The following BEND4 variants were observed in gnomAD, a reference collection of about 807,000 sequenced individuals.
BEND4 encodes the protein BEN domain containing 4.
Under a neutral mutation model 54.7 loss-of-function variants are expected in BEND4, and 27 were observed. That is an observed-to-expected ratio of 0.49 (90% CI 0.36 to 0.68). BEND4 has a LOEUF of 0.68. BEND4 is among the 30% of genes least tolerant of loss of function. BEND4 has a pLI of 0.00. For missense variants in BEND4, 702 were observed against 697.2 expected, an observed-to-expected ratio of 1.01 and a Z score of -0.08; for synonymous variants, 327 against 299.5, an observed-to-expected ratio of 1.09 and a Z score of -0.95.
chr4:42,141,552 CG>C (rs550505880), intron 3 of BEND4, among the ~76,000 whole-genome samples: 70 of 152,056 alleles, frequency 4.6e-4, no homozygotes, highest in African/African-American at 1.6e-3. Flanking sequence ...GCCAATGTGG[CG>C]AAACGCTGTC....
intron 3 of BEND4, among the ~76,000 whole-genome samples, chr4:42,126,767 AG>A (rs773483776): frequency 3.3e-4 from 50 of 152,162 alleles, no homozygotes; most frequent in Non-Finnish European, 5.6e-4. Flanking sequence ...ATCCCAGCTC[AG>A]GGAGGCAAAA....
chr4:42,151,738 C>G lies in BEND4; in HGVS notation c.406G>C (p.Val136Leu). The change falls in exon 2 of 6, where the codon GTC becomes CTC. Residue 136 changes from valine (V) to leucine (L), a missense_variant. Coordinates refer to ENST00000502486, the MANE Select transcript of BEND4 (RefSeq NM_207406.4). ...ASSSSSFAAV[V>L]RYGPGAAAAA... ...GCCGCCGCGCCTGGGCCATACCTGA[C>G]GACAGCGGCGAACGAAGACGACGAG... The G allele has an allele frequency of 6.7e-7, 1 of 1,501,670 alleles. No homozygotes were observed. The highest frequency in any genetic ancestry group is 8.8e-7 in the Non-Finnish European group (1 of 1,131,212). The allele number at this position is 1,501,670 out of a possible 1,614,324, so 93.0% of individuals were successfully genotyped here. A position where few individuals can be genotyped will look rare whatever the true frequency, so the allele number is the denominator to read the frequency against.
At chr4:42,127,793 G>T (rs1026409540) in intron 3 of BEND4, among the ~76,000 whole-genome samples, 1 of 152,184 alleles carries the variant, frequency 6.6e-6, no homozygotes, top group Non-Finnish European at 1.5e-5. Flanking sequence ...TTGCTTGGAA[G>T]TTTTAGAGAA....
In BEND4 at chr4:42,114,434, A is replaced by T. The variant is rs1719714950; in HGVS notation, c.*3084T>A. 1 of 152,056 alleles carries T rather than the reference A, an allele frequency of 6.6e-6. No homozygotes were observed. The highest frequency in any genetic ancestry group is 1.5e-5 in the Non-Finnish European group (1 of 68,046). The allele number at this position is 152,056 out of a possible 1,614,324, so 9.4% of individuals were successfully genotyped here. A position where few individuals can be genotyped will look rare whatever the true frequency, so the allele number is the denominator to read the frequency against. On this transcript the variant is annotated 3_prime_UTR_variant, in exon 6 of 6. Coordinates refer to ENST00000502486, the MANE Select transcript of BEND4 (RefSeq NM_207406.4). ...TCTTTGTTGTCAAGCCAGCCCCGTGACCTCCTCCTCTCACCAATTAAGTGG... is the reference window on the plus strand; with the variant it reads ...TCTTTGTTGTCAAGCCAGCCCCGTGTCCTCCTCCTCTCACCAATTAAGTGG...
rs1344434394 is a variant in BEND4 at position 42,111,858 on chromosome 4, ACTAGGAAC to A, written c.*5652_*5659del. Reference sequence around the variant, plus strand: ...TGCTTTTATCTCCCTGCATTTTTGCACTAGGAACCTATGGGACAAATGTGAACAAACTC... The same window carrying A: ...TGCTTTTATCTCCCTGCATTTTTGCACTATGGGACAAATGTGAACAAACTC... On this transcript the variant is annotated 3_prime_UTR_variant, in exon 6 of 6. Coordinates refer to ENST00000502486, the MANE Select transcript of BEND4 (RefSeq NM_207406.4). 14 of 152,328 alleles carry A rather than the reference ACTAGGAAC, an allele frequency of 9.2e-5. No individual in the cohort carries two copies. The East Asian group carries it at 2.1e-3, about 23-fold the overall frequency. 9.4% of individuals were successfully genotyped at this position (152,328 alleles called of 1,614,324 possible).
intron 2 of BEND4, chr4:42,150,896 C>CGAGG (rs767318086): frequency 1.1e-4 from 16 of 152,162 alleles, no homozygotes; most frequent in South Asian, 4.2e-4. Context: ...CGGACGGGGA[C>CGAGG]GAGGGGATGG....
Position 42,152,017 on chromosome 4 carries a change from G to T in BEND4, c.127C>A (p.Arg43=). Residue 43 remains arginine, a synonymous_variant, in exon 2 of 6, where the codon CGA becomes AGA. Coordinates refer to ENST00000502486, the MANE Select transcript of BEND4 (RefSeq NM_207406.4). ...TGCGGCAGCTCCACCAGGGTGGGTC[G>T]CTCGTAGCGCTTGGCCAGCGCCGGT... ...KRPALAKRYE[R]PTLVELPHVR... is the part of the protein sequence containing the mutation. 1 of 1,252,864 alleles carries T rather than the reference G, an allele frequency of 8.0e-7. No homozygotes were observed. Among genetic ancestry groups the T allele is most frequent in the Non-Finnish European group, 1.0e-6 (1 of 992,698 alleles). The allele number at this position is 1,252,864 out of a possible 1,614,324, so 77.6% of individuals were successfully genotyped here.
intron 5 of BEND4, among the ~76,000 whole-genome samples, chr4:42,119,112 G>A (rs1337274660): frequency 6.6e-6 from 1 of 152,110 alleles, no homozygotes; most frequent in African/African-American, 2.4e-5. Flanking sequence ...ATGCATCCTA[G>A]GCACATAATG....
At position 42,113,377 on chromosome 4, in the gene BEND4, T is replaced by C. The variant is rs1414920907; in HGVS notation, c.*4141A>G. The C allele has an allele frequency of 6.6e-6, 1 of 152,218 alleles. No individual in the cohort carries two copies. Among genetic ancestry groups the C allele is most frequent in the Non-Finnish European group, 1.5e-5 (1 of 68,036 alleles). The allele number at this position is 152,218 out of a possible 1,614,324, so 9.4% of individuals were successfully genotyped here. A position where few individuals can be genotyped will look rare whatever the true frequency, so the allele number is the denominator to read the frequency against. On this transcript the variant is annotated 3_prime_UTR_variant, in exon 6 of 6. Transcript: ENST00000502486. ...GTCAATGGGTATTAGGTTTAGGTTCTAGAGCATAAATTGAAGGATGGAATC... is the reference window on the plus strand; with the variant it reads ...GTCAATGGGTATTAGGTTTAGGTTCCAGAGCATAAATTGAAGGATGGAATC...
At chr4:42,137,882 A>T (rs1720747077) in intron 3 of BEND4, among the ~76,000 whole-genome samples, 1 of 152,216 alleles carries the variant, frequency 6.6e-6, no homozygotes, top group Non-Finnish European at 1.5e-5. Flanking sequence ...GCAAATCAAA[A>T]CCACTATAAG....
intron 2 of BEND4, chr4:42,151,201 G>A (rs973139827): frequency 7.1e-5 from 11 of 154,082 alleles, no homozygotes; most frequent in Non-Finnish European, 1.2e-4. Flanking sequence ...AGAAGGCAAA[G>A]GAGAAGTGGA....
intron 4 of BEND4, among the ~76,000 whole-genome samples, chr4:42,124,664 A>G (rs1720204996): frequency 6.6e-6 from 1 of 152,218 alleles, no homozygotes; most frequent in Non-Finnish European, 1.5e-5. Flanking sequence ...GCCAGATTAC[A>G]GGGTGGAAGA....
intron 4 of BEND4, among the ~76,000 whole-genome samples, chr4:42,123,700 A>AAAAAAC (rs1560576004): frequency 1.6e-5 from 2 of 128,308 alleles, no homozygotes; most frequent in Admixed American, 7.3e-5. Context: ...TTCAGAAAAA[A>AAAAAAC]AAAAAAAAAA....
intron 3 of BEND4, 59 bp from the exon 4 acceptor site, chr4:42,125,733 A>T (rs1720253407): frequency 3.3e-6 from 4 of 1,201,212 alleles, no homozygotes; most frequent in Admixed American, 2.5e-5. Context: ...GAAAATAAAT[A>T]AATTTTTTAA....
rs762489335 is a variant in BEND4, at chr4:42,143,528, G to GTCCTCC, written c.948_953dup (p.Glu316_Glu317dup). The GTCCTCC allele has an allele frequency of 3.2e-6, 5 of 1,553,686 alleles. No individual in the cohort carries two copies. The African/African-American group carries it at 5.5e-5, about 17-fold the overall frequency. On this transcript the variant is annotated inframe_insertion, in exon 3 of 6. Transcript: ENST00000502486. ...GGCATCGAGGACAATAGCCTTCCTC[G>GTCCTCC]TCCTCCTCCTCCTCCTCTTCTGGCA...
chr4:42,139,912 G>A (rs1214592339), intron 3 of BEND4, among the ~76,000 whole-genome samples: 3 of 152,218 alleles, frequency 2.0e-5, no homozygotes, highest in African/African-American at 4.8e-5. Flanking sequence ...GAGGGTTACA[G>A]TATGACAAAA....
In BEND4 at chr4:42,143,594, T is replaced by C. The variant is rs1720966052; in HGVS notation, c.888A>G (p.Pro296=). The part of the protein sequence containing the change: ...PVHTLGGWTS[P]ATSESHGHPS... The stretch of plus-strand genomic sequence containing the variant: ...GGTGGCCATGGGATTCGGACGTTGC[T>C]GGGGAAGTCCAGCCACCTAATGTAT... Residue 296 remains proline, a synonymous_variant, in exon 3 of 6, where the codon CCA becomes CCG. Coordinates refer to ENST00000502486, the MANE Select transcript of BEND4 (RefSeq NM_207406.4). 4 of 1,595,422 alleles carry C rather than the reference T, an allele frequency of 2.5e-6. No homozygotes were observed. In the Admixed American group the frequency reaches 5.3e-5, roughly 21 times the overall value.
At chr4:42,147,064 G>A (rs961477891) in intron 2 of BEND4, among the ~76,000 whole-genome samples, 2 of 152,112 alleles carry the variant, frequency 1.3e-5, no homozygotes, top group Admixed American at 6.5e-5. Flanking sequence ...GAATATGAGA[G>A]AATAGTTACA....
intron 4 of BEND4, among the ~76,000 whole-genome samples, chr4:42,124,306 T>C (rs1167123393): frequency 1.3e-5 from 2 of 152,156 alleles, no homozygotes; most frequent in Non-Finnish European, 2.9e-5. Context: ...TGAGCCATGA[T>C]CATGCCACTA....
Sources: allele counts gnomAD v4.1 joint callset (sites outside exome capture counted in the v4.1 genomes callset), GRCh38; gene constraint gnomAD v4.1.1; transcripts MANE v1.5; gene names NCBI Gene and HGNC (gene_info 2026-07-23, HGNC 2026-07-21).